The following USP24 variants were observed in gnomAD, a reference collection of about 807,000 sequenced individuals.
USP24 encodes ubiquitin carboxyl-terminal hydrolase 24.
USP24 carries 97 observed loss-of-function variants against 361.6 expected under a neutral mutation model. The ratio of observed to expected loss-of-function variants is 0.27; its 90% CI spans 0.23 to 0.32. The LOEUF (loss-of-function observed/expected upper bound fraction) is 0.32, where lower values mean the gene tolerates loss of function less well. Among genes scored for constraint, USP24 ranks in the 10% least tolerant of loss-of-function variants. The pLI, the probability that USP24 is intolerant of heterozygous loss-of-function variation, is 1.00. For missense variants in USP24, 2,353 were observed against 3,165.6 expected, an observed-to-expected ratio of 0.74 and a Z score of 6.16; for synonymous variants, 1,098 against 1,124.6, an observed-to-expected ratio of 0.98 and a Z score of 0.47.
intron 38 of USP24, among the ~76,000 whole-genome samples, chr1:55,116,681 CAAAA>C (rs528611494): frequency 7.8e-6 from 1 of 128,954 alleles, no homozygotes; most frequent in Non-Finnish European, 1.7e-5. Flanking sequence ...ATTGGTAATC[CAAAA>C]AAAAAAAAAG....
chr1:55,176,417 T>C lies in USP24; in HGVS notation c.517A>G (p.Arg173Gly), dbSNP rs758064561. Residue 173 changes from arginine to glycine, a missense_variant, in exon 3 of 68, where the codon AGA becomes GGA. Transcript: ENST00000294383. ...GGCATACACCTGTCCATAAACCTTC[T>C]ACAATTCTCATCAGACTCGGAAAGA... is the stretch of plus-strand genomic sequence containing the variant. Reference protein sequence around the residue: ...LGLSESDENCRRFMDRCMPEA... With the variant: ...LGLSESDENCGRFMDRCMPEA... 7 of 1,572,444 alleles carry C rather than the reference T, an allele frequency of 4.5e-6. No individual in the cohort carries two copies. The African/African-American group carries it at 8.1e-5, about 18-fold the overall frequency.
chr1:55,158,849 A>C (rs375870964), intron 10 of USP24, 29 bp downstream of exon 10: 3 of 1,437,684 alleles, frequency 2.1e-6, no homozygotes, highest in African/African-American at 2.9e-5. Context: ...CTGTGCATTA[A>C]GTCTTGTAGA....
chr1:55,203,638 G>T (rs1349286264), intron 1 of USP24, among the ~76,000 whole-genome samples: 1 of 152,142 alleles, frequency 6.6e-6, no homozygotes, highest in East Asian at 1.9e-4. Flanking sequence ...CAAGGTAACT[G>T]CATCATTTCT....
chr1:55,154,602 G>A, intron 13 of USP24, 69 bp downstream of exon 13: 1 of 1,465,198 alleles, frequency 6.8e-7, no homozygotes. Context: ...GGGAGGAGGG[G>A]TATTCAGGAC....
At chr1:55,120,894 A>G in intron 37 of USP24, 138 bp from the exon 38 acceptor site, 3 of 1,145,572 alleles carry the variant, frequency 2.6e-6, no homozygotes, top group Non-Finnish European at 3.5e-6. Flanking sequence ...TGAGTGTTTC[A>G]GATTTTAATG....
Position 55,094,011 on chromosome 1 carries a change from T to G in USP24, c.6280A>C (p.Ile2094Leu). Residue 2094 changes from isoleucine to leucine, a missense_variant, in exon 52 of 68, where the codon ATT becomes CTT. Physicochemically the swap from Ile to Leu is conservative, Grantham distance 5 (BLOSUM62 2). Transcript: ENST00000294383. ...PHRPNNDRLS[I>L]LTKLVKKGEK... The stretch of plus-strand genomic sequence containing the variant: ...CCTTTTTTAACCAGCTTGGTAAGAA[T>G]AGACAGCCGGTCATTGTTCGGCCTA... 6.2e-7 allele frequency: 1 copy of G among 1,613,902 alleles called. No homozygotes were observed. Among genetic ancestry groups the G allele is most frequent in the Non-Finnish European group, 8.5e-7 (1 of 1,179,844 alleles).
intron 21 of USP24, 44 bp from the exon 22 acceptor site, chr1:55,143,163 CACAAAGTT>C: frequency 7.4e-7 from 1 of 1,357,714 alleles, no homozygotes; most frequent in Non-Finnish European, 9.7e-7. Flanking sequence ...ATATCAAGAT[CACAAAGTT>C]ACAAAATCAC....
chr1:55,193,459 C>T (rs1018435131), intron 1 of USP24, among the ~76,000 whole-genome samples: 2 of 152,156 alleles, frequency 1.3e-5, no homozygotes, highest in East Asian at 3.9e-4. Flanking sequence ...GGGTAACCTT[C>T]ATTTAATATT....
At chr1:55,145,504 G>A (rs975000316) in intron 20 of USP24, among the ~76,000 whole-genome samples, 2 of 152,202 alleles carry the variant, frequency 1.3e-5, no homozygotes, top group South Asian at 4.1e-4. Flanking sequence ...TGGATAAAAT[G>A]AATGGAAAGT....
At chr1:55,136,511 G>C (rs1408521758) in intron 28 of USP24, among the ~76,000 whole-genome samples, 1 of 152,180 alleles carries the variant, frequency 6.6e-6, no homozygotes, top group Non-Finnish European at 1.5e-5. Flanking sequence ...TGGTCTAAGA[G>C]CAGAAACTGT....
chr1:55,105,959 C>T (rs570913015), intron 41 of USP24, among the ~76,000 whole-genome samples, 187 bp downstream of exon 41: 12 of 152,306 alleles, frequency 7.9e-5, no homozygotes, highest in South Asian at 4.1e-4. Flanking sequence ...ACACTTGCTC[C>T]GTGCTTACTA....
At chr1:55,195,513 CCT>C (rs1644391688) in intron 1 of USP24, among the ~76,000 whole-genome samples, 1 of 152,152 alleles carries the variant, frequency 6.6e-6, no homozygotes, top group African/African-American at 2.4e-5. Flanking sequence ...TTGGAAATCT[CCT>C]GTCTTTCAGG....
chr1:55,084,159 G>T (rs1361667479), intron 56 of USP24, among the ~76,000 whole-genome samples: 1 of 152,154 alleles, frequency 6.6e-6, no homozygotes, highest in Admixed American at 6.5e-5. Context: ...CTACCGCTGA[G>T]TCACATTTTC....
chr1:55,163,499 T>C (rs935247800), intron 7 of USP24, among the ~76,000 whole-genome samples: 3 of 151,998 alleles, frequency 2.0e-5, no homozygotes, highest in Non-Finnish European at 4.4e-5. Flanking sequence ...AATAATCATA[T>C]GACAAAATGC....
Position 55,124,542 on chromosome 1 carries a change from A to G in USP24, c.4047T>C (p.Val1349=). The G allele has an allele frequency of 1.9e-6, 3 of 1,613,936 alleles. No homozygotes were observed. The South Asian group carries it at 3.3e-5, about 18-fold the overall frequency. ...WAAAAGRLDL[V]GSSQPIKESN... is the part of the protein sequence containing the mutation. ...TTTCTTTAATTGGCTGGCTACTCCC[A>G]ACAAGATCAAGCCGTCCTGCAGCCG... The change falls in exon 35 of 68, where the codon GTT becomes GTC. Residue 1349 remains valine, a synonymous_variant. Coordinates refer to ENST00000294383, the MANE Select transcript of USP24 (RefSeq NM_015306.3).
At chr1:55,210,989 T>C (rs1644833617) in intron 1 of USP24, among the ~76,000 whole-genome samples, 1 of 152,350 alleles carries the variant, frequency 6.6e-6, no homozygotes, top group East Asian at 1.9e-4. Context: ...ATAGTATTAA[T>C]GTTTGATGGT....
chr1:55,140,852 C>T, intron 24 of USP24, among the ~76,000 whole-genome samples: 1 of 152,150 alleles, frequency 6.6e-6, no homozygotes, highest in East Asian at 1.9e-4. Flanking sequence ...TAGTTACTTC[C>T]ATCTAATGTT....
intron 7 of USP24, among the ~76,000 whole-genome samples, chr1:55,163,229 TTATC>T (rs1241015748): frequency 1.3e-5 from 2 of 151,904 alleles, no homozygotes; most frequent in Non-Finnish European, 1.5e-5. Flanking sequence ...TGGGAGAACA[TTATC>T]TAAGCAAGTT....
chr1:55,193,547 C>T (rs1644342789), intron 1 of USP24, among the ~76,000 whole-genome samples: 1 of 152,134 alleles, frequency 6.6e-6, no homozygotes, highest in Non-Finnish European at 1.5e-5. Context: ...TTCCTTAGGG[C>T]ATCTCCAGTG....
Sources: gnomAD v4.1 joint callset for allele counts (sites outside exome capture counted in the v4.1 genomes callset) on GRCh38, gnomAD v4.1.1 for gene constraint, MANE v1.5 for transcripts, NCBI Gene and HGNC (gene_info 2026-07-23, HGNC 2026-07-21) for gene names.